ZNF764: variants seen among roughly 807,000 people sequenced by gnomAD.
ZNF764 encodes the protein zinc finger protein 764.
ZNF764 carries 10 observed loss-of-function variants against 13.9 expected under a neutral mutation model. That is an observed-to-expected ratio of 0.72 (90% CI 0.44 to 1.22). The LOEUF (loss-of-function observed/expected upper bound fraction) is 1.22. Ranked by LOEUF, ZNF764 falls within the 50% of genes most tolerant of loss-of-function variation. The probability of loss-of-function intolerance (pLI) is 0.00; values close to 1 mark genes in which losing one functional copy is unlikely to be tolerated. For missense variants in ZNF764, 647 were observed against 589.7 expected (o/e 1.10, Z -1.01); for synonymous variants, 313 against 255.1 (o/e 1.23, Z -2.16).
rs756506635 is a variant in ZNF764 at position 30,555,176 on chromosome 16, T to TA, written c.*17dup. ...TCTCGGGCCTCCCGTAATGTCTAGA[T>TA]AGTCACTTTTAAGGCCGTCACCCAC... On this transcript the variant is annotated 3_prime_UTR_variant, in exon 3 of 3. Coordinates refer to ENST00000395091, the MANE Select transcript of ZNF764 (RefSeq NM_001172679.2). 1 of 1,592,500 alleles carries TA rather than the reference T, an allele frequency of 6.3e-7. No individual in the cohort carries two copies. Among genetic ancestry groups the TA allele is most frequent in the East Asian group, 2.3e-5 (1 of 44,440 alleles).
At position 30,555,020 on chromosome 16, in the gene ZNF764, G is replaced by A. The variant is rs1321087603; in HGVS notation, c.*174C>T. On this transcript the variant is annotated 3_prime_UTR_variant, in exon 3 of 3. Coordinates refer to ENST00000395091, the MANE Select transcript of ZNF764 (RefSeq NM_001172679.2). Reference sequence around the variant, plus strand: ...GGGCCTTGGAGAGCCCTGGGCAGTGGGGAGCAAGGTGCTGGCAGAGGAGGC... The same window carrying A: ...GGGCCTTGGAGAGCCCTGGGCAGTGAGGAGCAAGGTGCTGGCAGAGGAGGC... The A allele has an allele frequency of 4.0e-6, 3 of 745,882 alleles. No individual in the cohort carries two copies. The highest frequency in any genetic ancestry group is 1.8e-5 in the African/African-American group (1 of 54,640). 46.2% of individuals were successfully genotyped at this position (745,882 alleles called of 1,614,324 possible). A position where few individuals can be genotyped will look rare whatever the true frequency, so the allele number is the denominator to read the frequency against.
chr16:30,555,848 C>T lies in ZNF764; in HGVS notation c.570G>A (p.Val190=), dbSNP rs1386486706. ...CGCCAGTGTGACTGTAGACGTGCTCCACCAGTGTGGAGCGCCAGGCAAAGC... is the reference window on the plus strand; with the variant it reads ...CGCCAGTGTGACTGTAGACGTGCTCTACCAGTGTGGAGCGCCAGGCAAAGC... ...GKSFAWRSTL[V]EHVYSHTGEK... is the part of the protein sequence containing the mutation. Residue 190 remains valine (V), a synonymous_variant, in exon 3 of 3, where the codon GTG becomes GTA. Coordinates refer to ENST00000395091, the MANE Select transcript of ZNF764 (RefSeq NM_001172679.2). 6.2e-7 allele frequency: 1 copy of T among 1,612,536 alleles called. No homozygotes were observed. The highest frequency in any genetic ancestry group is 1.7e-5 in the Admixed American group (1 of 59,986).
rs372501707 is a variant in ZNF764 at position 30,555,295 on chromosome 16, C to A, written c.1123G>T (p.Val375Phe). Residue 375 changes from valine to phenylalanine, a missense_variant, in exon 3 of 3, where the codon GTC becomes TTC. Transcript: ENST00000395091. The stretch of plus-strand genomic sequence containing the variant: ...AGGGTCACAGACAGACGCCCGGCGA[C>A]CCGGCCCCTGTGGCCCCCGGCCCCG... ...RPGAGGHRGRVAGRLSVTLTP... is the reference protein window; with the variant it reads ...RPGAGGHRGRFAGRLSVTLTP... 109 of 1,611,696 alleles carry A rather than the reference C, an allele frequency of 6.8e-5. No individual in the cohort carries two copies. The African/African-American group carries it at 1.4e-3, about 21-fold the overall frequency.
At chr16:30,557,945 C>G (rs1166711970) in intron 1 of ZNF764, 42 bp downstream of exon 1, 2 of 1,576,300 alleles carry the variant, frequency 1.3e-6, no homozygotes, top group East Asian at 2.3e-5. Flanking sequence ...GCGGCAGGGC[C>G]TGTGGGGGCG....
chr16:30,555,071 C>A lies in ZNF764; in HGVS notation c.*123G>T. The stretch of plus-strand genomic sequence containing the variant: ...TGCTAAGGGCCCAAGATCAGACTGT[C>A]CGCACCCCAGGGCCAGCTCTTGCCC... On this transcript the variant is annotated 3_prime_UTR_variant, in exon 3 of 3. Transcript: ENST00000395091. 2 of 1,205,144 alleles carry A rather than the reference C, an allele frequency of 1.7e-6. No individual in the cohort carries two copies. The highest frequency in any genetic ancestry group is 2.3e-6 in the Non-Finnish European group (2 of 874,200). The allele number at this position is 1,205,144 out of a possible 1,614,324, so 74.7% of individuals were successfully genotyped here.
In ZNF764 at chr16:30,555,470, G is replaced by A; in HGVS notation, c.948C>T (p.Cys316=). The stretch of plus-strand genomic sequence containing the variant: ...GGCGGAAGCAGCGCCCGCAGTCCGG[G>A]CACGGGTAGGGCTTCTCGCCGGTGT... The part of the protein sequence containing the change: ...RTHTGEKPYP[C]PDCGRCFRQS... The change falls in exon 3 of 3, where the codon TGC becomes TGT. Residue 316 remains cysteine (C), a synonymous_variant. Coordinates refer to ENST00000395091, the MANE Select transcript of ZNF764 (RefSeq NM_001172679.2). 6.4e-7 allele frequency: 1 copy of A among 1,558,028 alleles called. No individual in the cohort carries two copies. Among genetic ancestry groups the A allele is most frequent in the Non-Finnish European group, 8.7e-7 (1 of 1,155,436 alleles).
At position 30,554,111 on chromosome 16, in the gene ZNF764, C is replaced by T. The variant is rs190238514; in HGVS notation, c.*1083G>A. On this transcript the variant is annotated 3_prime_UTR_variant, in exon 3 of 3. Coordinates refer to ENST00000395091, the MANE Select transcript of ZNF764 (RefSeq NM_001172679.2). ...CTGGCTCCGGCTCAGCTCCCAACAA[C>T]TGTGGTTTTGTCGGAGCCTAGGTCG... 1 of 152,350 alleles carries T rather than the reference C, an allele frequency of 6.6e-6. No homozygotes were observed. The highest frequency in any genetic ancestry group is 1.9e-4 in the East Asian group (1 of 5,184). 9.4% of individuals were successfully genotyped at this position (152,350 alleles called of 1,614,324 possible). A position where few individuals can be genotyped will look rare whatever the true frequency, so the allele number is the denominator to read the frequency against.
rs767881440 is a variant in ZNF764, at chr16:30,555,243, G to A, written c.1175C>T (p.Pro392Leu). ...CGGGTACAGCTGGAAGCCCACGGGC[G>A]GGTCCAGGTCTCCGTGGCCAGGGGT... ...TLTPGHGDLD[P>L]PVGFQLYPEI... The change falls in exon 3 of 3, where the codon CCG becomes CTG. Residue 392 changes from proline to leucine, a missense_variant. Transcript: ENST00000395091. 3.7e-6 allele frequency: 6 copies of A among 1,611,940 alleles called. No individual in the cohort carries two copies. Among genetic ancestry groups the A allele is most frequent in the Non-Finnish European group, 4.2e-6 (5 of 1,179,224 alleles).
chr16:30,558,342 G>A lies in ZNF764; in HGVS notation c.-160C>T. On this transcript the variant is annotated 5_prime_UTR_variant, in exon 1 of 3. Coordinates refer to ENST00000395091, the MANE Select transcript of ZNF764 (RefSeq NM_001172679.2). ...CGCACTAGAGGGCGTGGAAACTAAC[G>A]GTGCCGATGGCAGCGGGTGTATAAT... 3.9e-6 allele frequency: 3 copies of A among 760,398 alleles called. No homozygotes were observed. Among genetic ancestry groups the A allele is most frequent in the Non-Finnish European group, 4.1e-6 (2 of 484,762 alleles). 47.1% of individuals were successfully genotyped at this position (760,398 alleles called of 1,614,324 possible).
chr16:30,556,247 GCAGAGCCAGA>G, intron 2 of ZNF764, 140 bp from the exon 3 acceptor site: 1 of 988,126 alleles, frequency 1.0e-6, no homozygotes, highest in South Asian at 1.5e-5. Context: ...TTCCTCGGCT[GCAGAGCCAGA>G]CAGAGCCGGG....
At chr16:30,556,678 C>G (rs1443663452) in intron 2 of ZNF764, among the ~76,000 whole-genome samples, 1 of 151,414 alleles carries the variant, frequency 6.6e-6, no homozygotes, top group African/African-American at 2.4e-5. Flanking sequence ...GGCAACACAC[C>G]GAGAGCCAAG....
chr16:30,555,715 A>G lies in ZNF764; in HGVS notation c.703T>C (p.Cys235Arg). Residue 235 changes from cysteine to arginine, a missense_variant, in exon 3 of 3, where the codon TGT (cysteine) becomes CGT (arginine). Coordinates refer to ENST00000395091, the MANE Select transcript of ZNF764 (RefSeq NM_001172679.2). ...GAGCGCTGCGTGAAGGCCCGGCCAC[A>G]CTCCAGACAGCGGTGGGGCCGCTCC... ...RGERPHRCLECGRAFTQRSAL... is the reference protein window; with the variant it reads ...RGERPHRCLERGRAFTQRSAL... The G allele has an allele frequency of 6.3e-7, 1 of 1,591,320 alleles. No homozygotes were observed. Among genetic ancestry groups the G allele is most frequent in the Non-Finnish European group, 8.5e-7 (1 of 1,171,522 alleles).
At chr16:30,556,792 G>A (rs1405206168) in intron 2 of ZNF764, among the ~76,000 whole-genome samples, 1 of 152,182 alleles carries the variant, frequency 6.6e-6, no homozygotes, top group East Asian at 1.9e-4. Flanking sequence ...CTTAGCTCCA[G>A]GAGTTAAAGA....
intron 1 of ZNF764, 57 bp from the exon 2 acceptor site, chr16:30,557,903 G>A (rs778229244): frequency 2.5e-6 from 4 of 1,571,886 alleles, no homozygotes; most frequent in Admixed American, 1.9e-5. Flanking sequence ...CCGGCCCCGG[G>A]GCCCCCAACT....
chr16:30,554,287 G>A lies in ZNF764; in HGVS notation c.*907C>T, dbSNP rs2051529510. On this transcript the variant is annotated 3_prime_UTR_variant, in exon 3 of 3. Coordinates refer to ENST00000395091, the MANE Select transcript of ZNF764 (RefSeq NM_001172679.2). ...ATATGACAACCGCAGGCCAGATCCA[G>A]TACACAGTCACAGGATTTTAACTTG... 6.6e-6 allele frequency: 1 copy of A among 152,204 alleles called. No individual in the cohort carries two copies. The highest frequency in any genetic ancestry group is 1.5e-5 in the Non-Finnish European group (1 of 68,044). 9.4% of individuals were successfully genotyped at this position (152,204 alleles called of 1,614,324 possible).
In ZNF764 at chr16:30,555,474, G is replaced by A. The variant is rs753778360; in HGVS notation, c.944C>T (p.Pro315Leu). Reference sequence around the variant, plus strand: ...GAAGCAGCGCCCGCAGTCCGGGCACGGGTAGGGCTTCTCGCCGGTGTGGGT... The same window carrying A: ...GAAGCAGCGCCCGCAGTCCGGGCACAGGTAGGGCTTCTCGCCGGTGTGGGT... ...VRTHTGEKPY[P>L]CPDCGRCFRQ... is the part of the protein sequence containing the mutation. The change falls in exon 3 of 3, where the codon CCG becomes CTG. Residue 315 changes from proline (P) to leucine (L), a missense_variant. Coordinates refer to ENST00000395091, the MANE Select transcript of ZNF764 (RefSeq NM_001172679.2). 8.4e-6 allele frequency: 13 copies of A among 1,555,250 alleles called. No homozygotes were observed. Among genetic ancestry groups the A allele is most frequent in the African/African-American group, 2.7e-5 (2 of 72,944 alleles).
rs531898482 is a variant in ZNF764, at chr16:30,557,857, A to T, written c.197-11T>A. ...TGTTGCCTCCGATTCCTAGGGAAGA[A>T]GAACGCAAACCCCACGCTGCGGGGA... On this transcript the variant is annotated splice_polypyrimidine_tract_variant and intron_variant, in intron 1 of 2. Coordinates refer to ENST00000395091, the MANE Select transcript of ZNF764 (RefSeq NM_001172679.2). The T allele has an allele frequency of 2.5e-6, 4 of 1,596,776 alleles. No individual in the cohort carries two copies. The East Asian group carries it at 9.1e-5, about 36-fold the overall frequency.
At chr16:30,556,133 T>C in intron 2 of ZNF764, 26 bp from the exon 3 acceptor site, 2 of 1,607,348 alleles carry the variant, frequency 1.2e-6, no homozygotes, top group Non-Finnish European at 1.7e-6. Flanking sequence ...GAGGGGAGAG[T>C]TCAGGCTCGG....
chr16:30,558,128 C>T lies in ZNF764; in HGVS notation c.55G>A (p.Glu19Lys), dbSNP rs773443684. ...CTCACAGCCCCCGGCTCCCTCCACT[C>T]GGGTCCGGCCCCGTTTGGGTCCCGG... Reference protein sequence around the residue: ...PPRDPNGAGPEWREPGAVSFA... With the variant: ...PPRDPNGAGPKWREPGAVSFA... The change falls in exon 1 of 3, where the codon GAG becomes AAG. Residue 19 changes from glutamate (E) to lysine (K), a missense_variant. Transcript: ENST00000395091. 3 of 1,606,754 alleles carry T rather than the reference C, an allele frequency of 1.9e-6. No homozygotes were observed. The highest frequency in any genetic ancestry group is 2.2e-5 in the East Asian group (1 of 44,814).
Sources: allele counts gnomAD v4.1 joint callset (sites outside exome capture counted in the v4.1 genomes callset), GRCh38; gene constraint gnomAD v4.1.1; transcripts MANE v1.5; gene names NCBI Gene and HGNC (gene_info 2026-07-23, HGNC 2026-07-21).